Variants in STX8 observed in about 807,000 individuals in gnomAD.
The protein encoded by STX8 is syntaxin 8, also known as syntaxin-8.
A neutral mutation model predicts 37.5 loss-of-function variants in STX8; 23 were observed. The observed-to-expected ratio is 0.61, with a 90% CI of 0.44 to 0.87. The LOEUF (loss-of-function observed/expected upper bound fraction) is 0.87, where lower values mean the gene tolerates loss of function less well. STX8 is among the 40% of genes least tolerant of loss of function. STX8 has a pLI of 0.00. For missense variants in STX8, 313 were observed against 284.7 expected (o/e 1.10, Z -0.71); for synonymous variants, 115 against 99.1 (o/e 1.16, Z -0.95).
rs60037652 is a variant in STX8 at position 9,252,609 on chromosome 17, C to CAAAAA, written c.644-1969_644-1965dup. On this transcript the variant is annotated intron_variant, in intron 7 of 7. Transcript: ENST00000306357. ...GTGCAACAACAGTGAAACTCTGTCT[C>CAAAAA]AAAAAAAAAAAAAAAAGAAAACGAA... is the stretch of plus-strand genomic sequence containing the variant. Among the ~76,000 whole-genome samples the CAAAAA allele has an allele frequency of 1.1e-3, 106 of 94,044 alleles. 1 individual carries two copies. The highest frequency in any genetic ancestry group is 4.3e-3 in the African/African-American group (99 of 23,248). 61.7% of individuals were successfully genotyped at this position (94,044 alleles called of 152,430 possible). A position where few individuals can be genotyped will look rare whatever the true frequency, so the allele number is the denominator to read the frequency against.
At chr17:9,498,530 T>C (rs1176683786) in intron 5 of STX8, among the ~76,000 whole-genome samples, 1 of 152,216 alleles carries the variant, frequency 6.6e-6, no homozygotes, top group Non-Finnish European at 1.5e-5. Flanking sequence ...CCTTCTAGTC[T>C]AGGTGACAGC....
At chr17:9,345,692 CTT>C (rs56831788) in intron 7 of STX8, among the ~76,000 whole-genome samples, 122,960 of 139,796 alleles carry the variant, frequency 0.88, 55,343 homozygotes, top group South Asian at 0.98. Flanking sequence ...ATCTCACATA[CTT>C]TTTTTTTTTT....
chr17:9,501,884 G>A, intron 5 of STX8, among the ~76,000 whole-genome samples: 1 of 152,094 alleles, frequency 6.6e-6, no homozygotes, highest in East Asian at 1.9e-4. Context: ...CAGGAGAATA[G>A]CGTGAACCTG....
chr17:9,489,852 C>A (rs958986583), intron 6 of STX8, among the ~76,000 whole-genome samples: 2 of 152,062 alleles, frequency 1.3e-5, no homozygotes, highest in African/African-American at 4.8e-5. Flanking sequence ...CCATGCCTGG[C>A]TAATTTTTTG....
intron 2 of STX8, among the ~76,000 whole-genome samples, chr17:9,559,754 A>ATTTTTTT (rs1261471068): frequency 1.5e-4 from 5 of 33,558 alleles, no homozygotes; most frequent in African/African-American, 7.0e-4. Flanking sequence ...ATATATATAT[A>ATTTTTTT]TATATATTTT....
At chr17:9,475,559 C>A (rs931318575) in intron 6 of STX8, among the ~76,000 whole-genome samples, 3 of 152,176 alleles carry the variant, frequency 2.0e-5, no homozygotes, top group Non-Finnish European at 4.4e-5. Flanking sequence ...CTGGAACCCC[C>A]GGAACAGCCT....
intron 6 of STX8, among the ~76,000 whole-genome samples, chr17:9,481,222 T>C (rs143512284): frequency 0.014 from 2,057 of 152,192 alleles, 45 homozygotes; most frequent in African/African-American, 0.045. Flanking sequence ...ACCCATAAAG[T>C]GCCTCATGCC....
chr17:9,337,200 A>G (rs989765102), intron 7 of STX8, among the ~76,000 whole-genome samples: 6 of 152,222 alleles, frequency 3.9e-5, no homozygotes, highest in African/African-American at 7.2e-5. Context: ...ACAAAAATTA[A>G]AGAGAAAAGG....
chr17:9,544,496 T>C (rs898267328), intron 4 of STX8, among the ~76,000 whole-genome samples: 2 of 151,374 alleles, frequency 1.3e-5, no homozygotes, highest in Non-Finnish European at 2.9e-5. Flanking sequence ...GTTCTCAATA[T>C]GCCAATTAAA....
In STX8 at chr17:9,378,566, T is replaced by TAGAA; in HGVS notation, c.628_629insTTCT (p.Lys210IlefsTer59). 1 of 1,613,692 alleles carries TAGAA rather than the reference T, an allele frequency of 6.2e-7. No homozygotes were observed. Among genetic ancestry groups the TAGAA allele is most frequent in the South Asian group, 1.1e-5 (1 of 91,068 alleles). ...CTATCTCTTACCACAAGAGGCTGACTTTCTGTCCACCATGTTTACCCGCCT... is the reference window on the plus strand; with the variant it reads ...CTATCTCTTACCACAAGAGGCTGACTAGAATTCTGTCCACCATGTTTACCCGCCT... On this transcript the variant is annotated frameshift_variant, in exon 7 of 8. Transcript: ENST00000306357. LOFTEE classifies it high-confidence loss of function.
chr17:9,252,166 C>T lies in STX8; in HGVS notation c.644-1521G>A, dbSNP rs1416813232. On this transcript the variant is annotated intron_variant, in intron 7 of 7. Coordinates refer to ENST00000306357, the MANE Select transcript of STX8 (RefSeq NM_004853.3). Reference sequence around the variant, plus strand: ...CTAAAAATATATTTAAAAAATTGGCCGGGCGCAGTGGCTCACGCCTGTAAT... The same window carrying T: ...CTAAAAATATATTTAAAAAATTGGCTGGGCGCAGTGGCTCACGCCTGTAAT... 5.5e-5 allele frequency among the ~76,000 whole-genome samples: 8 copies of T among 145,882 alleles called. 1 individual carries two copies. In the East Asian group the frequency reaches 1.5e-3, roughly 27 times the overall value.
intron 7 of STX8, among the ~76,000 whole-genome samples, chr17:9,366,659 C>CA (rs1317051620): frequency 6.6e-6 from 1 of 152,086 alleles, no homozygotes; most frequent in East Asian, 1.9e-4. Context: ...TTTAAAAAGC[C>CA]AAAAAATAAG....
intron 7 of STX8, among the ~76,000 whole-genome samples, chr17:9,376,521 A>G (rs1330746142): frequency 3.9e-5 from 6 of 152,228 alleles, no homozygotes; most frequent in Admixed American, 1.3e-4. Flanking sequence ...AGCCAAAGAG[A>G]GGAATAAAAT....
In STX8 at chr17:9,423,519, T is replaced by C. The variant is rs192104289; in HGVS notation, c.542-44866A>G. 1.6e-4 allele frequency among the ~76,000 whole-genome samples: 25 copies of C among 152,248 alleles called. No homozygotes were observed. The East Asian group carries it at 4.1e-3, about 25-fold the overall frequency. On this transcript the variant is annotated intron_variant, in intron 6 of 7. Transcript: ENST00000306357. ...TTTTGTATTTTTAGTAGAGATGGCG[T>C]TTCACCATGTTGTTAAGGCTGGTCT... is the stretch of plus-strand genomic sequence containing the variant.
intron 6 of STX8, among the ~76,000 whole-genome samples, chr17:9,471,024 C>A (rs1905833442): frequency 1.4e-5 from 1 of 73,080 alleles, no homozygotes; most frequent in African/African-American, 4.2e-5. Flanking sequence ...TGAGCCACTG[C>A]ATCCTGCTTT....
chr17:9,399,250 C>T (rs1429146229), intron 6 of STX8, among the ~76,000 whole-genome samples: 2 of 152,118 alleles, frequency 1.3e-5, no homozygotes, highest in African/African-American at 4.8e-5. Context: ...TCACAGCATC[C>T]CTATTTACAT....
At chr17:9,280,141 G>A (rs1907831248) in intron 7 of STX8, among the ~76,000 whole-genome samples, 1 of 152,172 alleles carries the variant, frequency 6.6e-6, no homozygotes, top group Non-Finnish European at 1.5e-5. Flanking sequence ...AATTGCTCGA[G>A]CCTGGCTGGT....
At chr17:9,551,609 GT>G (rs113895322) in intron 3 of STX8, among the ~76,000 whole-genome samples, 11,826 of 152,168 alleles carry the variant, frequency 0.078, 759 homozygotes, top group African/African-American at 0.18. Flanking sequence ...AGGGGTGTTG[GT>G]AACCACCTTT....
At chr17:9,572,716 G>GT (rs35485347) in intron 1 of STX8, among the ~76,000 whole-genome samples, 77,998 of 151,612 alleles carry the variant, frequency 0.51, 21,481 homozygotes, top group Admixed American at 0.62. Flanking sequence ...CCTTTTATAG[G>GT]TTTTTCAAGT....
Sources: allele counts gnomAD v4.1 joint callset (sites outside exome capture counted in the v4.1 genomes callset), GRCh38; gene constraint gnomAD v4.1.1; transcripts MANE v1.5; gene names NCBI Gene and HGNC (gene_info 2026-07-23, HGNC 2026-07-21).